Variants in BAHD1 observed in about 807,000 individuals in gnomAD.
BAHD1 encodes the protein bromo adjacent homology domain-containing 1 protein.
BAHD1 carries 20 observed loss-of-function variants against 63.1 expected under a neutral mutation model. That is an observed-to-expected ratio of 0.32 (90% CI 0.22 to 0.46). The LOEUF (loss-of-function observed/expected upper bound fraction) is 0.46. BAHD1 is among the 20% of genes least tolerant of loss of function. The pLI, the probability that BAHD1 is intolerant of heterozygous loss-of-function variation, is 1.00. For synonymous variants in BAHD1, 408 were observed against 426.8 expected (o/e 0.96, Z 0.54); for missense variants, 939 against 1,071.8 (o/e 0.88, Z 1.73).
Position 40,459,570 on chromosome 15 carries a change from T to C in BAHD1, c.1106T>C (p.Val369Ala). ...CCCGCCGACTACAATGGCCTGTGTG[T>C]TGGGCCTGAGCTCACTGCACTAGGC... ...GNPADYNGLC[V>A]GPELTALGSF... Residue 369 changes from valine (V) to alanine (A), a missense_variant, in exon 2 of 7, where the codon GTT (valine) becomes GCT (alanine). Physicochemically the swap from Val to Ala is moderately conservative, Grantham distance 64. Coordinates refer to ENST00000416165, the MANE Select transcript of BAHD1 (RefSeq NM_014952.5). 1.2e-6 allele frequency: 2 copies of C among 1,614,182 alleles called. No individual in the cohort carries two copies. Among genetic ancestry groups the C allele is most frequent in the African/African-American group, 2.7e-5 (2 of 75,070 alleles).
intron 1 of BAHD1, among the ~76,000 whole-genome samples, chr15:40,445,452 C>T (rs988403085): frequency 1.3e-5 from 2 of 152,182 alleles, no homozygotes; most frequent in African/African-American, 4.8e-5. Flanking sequence ...TCTGTTCCAG[C>T]ATCCAGGAGG....
intron 1 of BAHD1, among the ~76,000 whole-genome samples, chr15:40,457,527 T>A (rs1046966116): frequency 6.6e-6 from 1 of 152,146 alleles, no homozygotes; most frequent in Non-Finnish European, 1.5e-5. Context: ...TAGACCCAGG[T>A]TGTGGCAGTC....
Position 40,467,965 on chromosome 15 carries a change from T to G in BAHD1, c.*1835T>G, listed in dbSNP as rs1336553679. ...GGGTCTTGGCTGCCCCGAACTTAAA[T>G]GCTTTTGAAATCTCTTAGATGTGGA... On this transcript the variant is annotated 3_prime_UTR_variant, in exon 7 of 7. Transcript: ENST00000416165. 6.6e-6 allele frequency: 1 copy of G among 152,656 alleles called. No homozygotes were observed. The highest frequency in any genetic ancestry group is 1.5e-5 in the Non-Finnish European group (1 of 68,042). The allele number at this position is 152,656 out of a possible 1,614,324, so 9.5% of individuals were successfully genotyped here.
At chr15:40,463,718 CAA>C (rs1489213421) in intron 3 of BAHD1, 141 bp from the exon 4 acceptor site, 1 of 898,642 alleles carries the variant, frequency 1.1e-6, no homozygotes, top group East Asian at 2.7e-5. Context: ...CAGCCCCATC[CAA>C]AAAAGGATAG....
chr15:40,447,916 G>C (rs1173595736), intron 1 of BAHD1, among the ~76,000 whole-genome samples: 1 of 152,078 alleles, frequency 6.6e-6, no homozygotes, highest in Non-Finnish European at 1.5e-5. Flanking sequence ...TATTTATTTA[G>C]CCCAGACTTC....
intron 2 of BAHD1, 86 bp from the exon 3 acceptor site, chr15:40,461,826 G>T: frequency 6.7e-7 from 1 of 1,489,370 alleles, no homozygotes; most frequent in Non-Finnish European, 9.0e-7. Context: ...TGCACAGTTA[G>T]AATTAAGACA....
rs1251957345 is a variant in BAHD1, at chr15:40,459,132, T to C, written c.668T>C (p.Leu223Pro). The C allele has an allele frequency of 6.2e-7, 1 of 1,613,086 alleles. No homozygotes were observed. Among genetic ancestry groups the C allele is most frequent in the East Asian group, 2.2e-5 (1 of 44,868 alleles). Residue 223 changes from leucine to proline, a missense_variant, in exon 2 of 7, where the codon CTG (leucine) becomes CCG (proline). Transcript: ENST00000416165. ...LKLSQERELP[L>P]RLPRAHAEVD... ...CTGAGCCAGGAGCGGGAGCTACCCCTGCGGCTGCCTCGTGCCCATGCAGAA... is the reference window on the plus strand; with the variant it reads ...CTGAGCCAGGAGCGGGAGCTACCCCCGCGGCTGCCTCGTGCCCATGCAGAA...
Position 40,466,229 on chromosome 15 carries a change from C to A in BAHD1, c.*99C>A. Reference sequence around the variant, plus strand: ...CACTTGGTTAGGGGGCCACAGAGGCCTAAGTTTGCTGGCCTGTGGTTTTCT... The same window carrying A: ...CACTTGGTTAGGGGGCCACAGAGGCATAAGTTTGCTGGCCTGTGGTTTTCT... On this transcript the variant is annotated 3_prime_UTR_variant, in exon 7 of 7. Transcript: ENST00000416165. 2.6e-6 allele frequency: 3 copies of A among 1,134,596 alleles called. No individual in the cohort carries two copies. Among genetic ancestry groups the A allele is most frequent in the Admixed American group, 2.7e-5 (1 of 36,610 alleles). 70.3% of individuals were successfully genotyped at this position (1,134,596 alleles called of 1,614,324 possible).
At chr15:40,438,853 C>T (rs868656978), upstream of BAHD1, among the ~76,000 whole-genome samples, 15 of 152,238 alleles carry the variant, frequency 9.9e-5, no homozygotes, top group African/African-American at 3.6e-4. Flanking sequence ...AAGTGGCTGC[C>T]AAGGTCAGCG....
chr15:40,461,845 C>G, intron 2 of BAHD1, 67 bp from the exon 3 acceptor site: 2 of 1,510,922 alleles, frequency 1.3e-6, no homozygotes, highest in Non-Finnish European at 1.8e-6. Flanking sequence ...CAGGAGCAGG[C>G]TCTGAAAGCA....
At chr15:40,441,349 G>C (rs1487020287) in intron 1 of BAHD1, 81 bp downstream of exon 1, 2 of 150,520 alleles carry the variant, frequency 1.3e-5, no homozygotes, top group Non-Finnish European at 3.0e-5. Flanking sequence ...AAGAGCGAAG[G>C]GGGAGAGCAC....
Position 40,465,926 on chromosome 15 carries a change from G to A in BAHD1, c.2154-15G>A. 6.4e-7 allele frequency: 1 copy of A among 1,551,478 alleles called. No individual in the cohort carries two copies. ...AGTGGCTGGAGTAAAGACAGTGAAT[G>A]GTATCTCTCTACAGGTTCTGTGCCA... On this transcript the variant is annotated splice_polypyrimidine_tract_variant and intron_variant, in intron 6 of 6. Coordinates refer to ENST00000416165, the MANE Select transcript of BAHD1 (RefSeq NM_014952.5).
upstream of BAHD1, among the ~76,000 whole-genome samples, chr15:40,437,762 A>C (rs58143877): frequency 0.022 from 3,370 of 152,196 alleles, 140 homozygotes; most frequent in African/African-American, 0.077. Flanking sequence ...AGGTGGTTGG[A>C]TCTCAGGCCA....
In BAHD1 at chr15:40,444,109, C is replaced by CTGTG. The variant is rs10692881; in HGVS notation, c.-15+2860_-15+2863dup. Among the ~76,000 whole-genome samples the CTGTG allele has an allele frequency of 6.6e-3, 984 of 150,204 alleles. 4 individuals are homozygous for CTGTG. The highest frequency in any genetic ancestry group is 0.032 in the East Asian group (165 of 5,090). ...CAGGAACAATATGAGTGTTAAACCT[C>CTGTG]TGTGTGTGTGTGTGTGTGTGTGAAT... On this transcript the variant is annotated intron_variant, in intron 1 of 6. Transcript: ENST00000416165.
chr15:40,458,457 A>G lies in BAHD1; in HGVS notation c.-8A>G. On this transcript the variant is annotated 5_prime_UTR_variant, in exon 2 of 7. Transcript: ENST00000416165. This position sits in a 1 kb window ranked among gnomAD's most constrained non-coding sequence, Gnocchi z 4.7. ...CCCACCTTCTGTCCTGCAGGTTGGA[A>G]GTACTCCATGACACACACTCGGAGA... 6.4e-7 allele frequency: 1 copy of G among 1,560,898 alleles called. No homozygotes were observed. Among genetic ancestry groups the G allele is most frequent in the Non-Finnish European group, 8.7e-7 (1 of 1,150,306 alleles).
chr15:40,441,740 C>A (rs112795500), intron 1 of BAHD1, among the ~76,000 whole-genome samples: 66 of 149,610 alleles, frequency 4.4e-4, no homozygotes, highest in Non-Finnish European at 8.3e-4. Context: ...CCTCCCCCAT[C>A]GCGGTCCCCG....
intron 1 of BAHD1, among the ~76,000 whole-genome samples, chr15:40,448,836 C>CTTTT (rs71132183): frequency 3.8e-4 from 50 of 132,198 alleles, no homozygotes; most frequent in Admixed American, 9.0e-4. Context: ...CCTTTTAACT[C>CTTTT]TTTTTTTTTT....
chr15:40,448,923 G>A (rs1595849973), intron 1 of BAHD1, among the ~76,000 whole-genome samples: 1 of 147,558 alleles, frequency 6.8e-6, no homozygotes, highest in African/African-American at 2.5e-5. Context: ...CGCAACCTCT[G>A]CCTTCCAGGT....
chr15:40,451,669 C>T (rs1435570243), intron 1 of BAHD1, among the ~76,000 whole-genome samples: 1 of 152,256 alleles, frequency 6.6e-6, no homozygotes, highest in Non-Finnish European at 1.5e-5. Context: ...CATGAAGTGG[C>T]TTCCAGCCCC....
Sources: gnomAD v4.1 joint callset for allele counts (sites outside exome capture counted in the v4.1 genomes callset) on GRCh38, gnomAD v4.1.1 for gene constraint, Gnocchi (gnomAD v3.1) non-coding constraint, MANE v1.5 for transcripts, NCBI Gene and HGNC (gene_info 2026-07-23, HGNC 2026-07-21) for gene names.